The following MAP2K5 variants were observed in gnomAD, a reference collection of about 807,000 sequenced individuals.
The protein encoded by MAP2K5 is dual specificity mitogen-activated protein kinase kinase 5.
A neutral mutation model predicts 83.1 loss-of-function variants in MAP2K5; 49 were observed. The ratio of observed to expected loss-of-function variants is 0.59; its 90% CI spans 0.47 to 0.75. The LOEUF is 0.75. Ranked by LOEUF, MAP2K5 falls within the 30% of genes least tolerant of loss-of-function variation. MAP2K5 has a pLI of 0.00. For synonymous variants in MAP2K5, 202 were observed against 191.8 expected (o/e 1.05, Z -0.44); for missense variants, 457 against 557.5 (o/e 0.82, Z 1.82).
intron 21 of MAP2K5, among the ~76,000 whole-genome samples, chr15:67,800,120 C>G (rs748481068): frequency 2.6e-5 from 4 of 152,198 alleles, no homozygotes; most frequent in Non-Finnish European, 5.9e-5. Context: ...TATTATCAGG[C>G]TGCCCACTAT....
At chr15:67,796,230 C>A (rs1179939274) in intron 21 of MAP2K5, among the ~76,000 whole-genome samples, 1 of 151,840 alleles carries the variant, frequency 6.6e-6, no homozygotes, top group Non-Finnish European at 1.5e-5. Flanking sequence ...TTTTTGATTT[C>A]TTTTTTCTTC....
At chr15:67,713,757 G>C (rs530414637) in intron 16 of MAP2K5, among the ~76,000 whole-genome samples, 1 of 151,646 alleles carries the variant, frequency 6.6e-6, no homozygotes, top group African/African-American at 2.4e-5. Context: ...AAAGTGGCAT[G>C]GATCACCCAG....
At position 67,555,068 on chromosome 15, in the gene MAP2K5, A is replaced by G. The variant is rs551924530; in HGVS notation, c.184+4986A>G. Among the ~76,000 whole-genome samples, 138 of 152,264 alleles carry G rather than the reference A, an allele frequency of 9.1e-4. 1 individual carries two copies. Among genetic ancestry groups the G allele is most frequent in the Non-Finnish European group, 9.3e-4 (63 of 68,022 alleles). On this transcript the variant is annotated intron_variant, in intron 2 of 21. Coordinates refer to ENST00000178640, the MANE Select transcript of MAP2K5 (RefSeq NM_145160.3). The surrounding 1 kb of genome is among the most constrained non-coding windows in gnomAD (Gnocchi z 5.2). ...GTTAGGGCTGGATGAGGAGAGGGAC[A>G]TCTGTCTGCAGAACTCACCTTTTGG...
chr15:67,682,222 A>AT (rs61439988), intron 13 of MAP2K5, among the ~76,000 whole-genome samples: 271 of 142,556 alleles, frequency 1.9e-3, no homozygotes, highest in East Asian at 1.6e-3. Context: ...TTCTAGAGCT[A>AT]TTTTTTTTTT....
chr15:67,705,442 A>G (rs2088526616), intron 16 of MAP2K5, among the ~76,000 whole-genome samples: 1 of 152,234 alleles, frequency 6.6e-6, no homozygotes, highest in African/African-American at 2.4e-5. Context: ...GAGGAAAAAA[A>G]AAGCAGACTA....
intron 7 of MAP2K5, among the ~76,000 whole-genome samples, chr15:67,597,371 G>T (rs1311484900): frequency 2.0e-5 from 3 of 152,150 alleles, no homozygotes; most frequent in African/African-American, 7.2e-5. Flanking sequence ...AGTGGCCATT[G>T]ATAGGAATGT....
At position 67,708,115 on chromosome 15, in the gene MAP2K5, A is replaced by G. The variant is rs1253060584; in HGVS notation, c.1044+4707A>G. On this transcript the variant is annotated intron_variant, in intron 16 of 21. Transcript: ENST00000178640. This position sits in a 1 kb window ranked among gnomAD's most constrained non-coding sequence, Gnocchi z 4.9. ...AGGATTGCTTGAGGCCAGGAGTTCA[A>G]CACTAGTCTGGGCAACATAGCAAGA... Among the ~76,000 whole-genome samples, 2 of 152,112 alleles carry G rather than the reference A, an allele frequency of 1.3e-5. No individual in the cohort carries two copies. Among genetic ancestry groups the G allele is most frequent in the Admixed American group, 6.6e-5 (1 of 15,266 alleles).
At chr15:67,608,862 G>A (rs1214240167) in intron 8 of MAP2K5, among the ~76,000 whole-genome samples, 1 of 152,208 alleles carries the variant, frequency 6.6e-6, no homozygotes, top group East Asian at 1.9e-4. Flanking sequence ...GTGTTCCCTG[G>A]AGGAGAGTCA....
At chr15:67,568,814 G>C (rs975626804) in intron 3 of MAP2K5, among the ~76,000 whole-genome samples, 1 of 151,908 alleles carries the variant, frequency 6.6e-6, no homozygotes, top group Non-Finnish European at 1.5e-5. Context: ...TGACCATCCT[G>C]ACTAACACTG....
chr15:67,701,442 G>A (rs914389339), intron 15 of MAP2K5, among the ~76,000 whole-genome samples: 10 of 152,244 alleles, frequency 6.6e-5, no homozygotes, highest in African/African-American at 1.7e-4. Context: ...GAAAACAGAT[G>A]ATTTTACAAC....
Position 67,801,577 on chromosome 15 carries a change from C to T in MAP2K5, c.1243-5069C>T, listed in dbSNP as rs2090707466. On this transcript the variant is annotated intron_variant, in intron 21 of 21. Coordinates refer to ENST00000178640, the MANE Select transcript of MAP2K5 (RefSeq NM_145160.3). This position sits in a 1 kb window ranked among gnomAD's most constrained non-coding sequence, Gnocchi z 4.8. Reference sequence around the variant, plus strand: ...GGTGTCTTCCATGGTAGAAGAGTGTCCTGGGTTTAAACTCTAACTCTGCCA... The same window carrying T: ...GGTGTCTTCCATGGTAGAAGAGTGTTCTGGGTTTAAACTCTAACTCTGCCA... Among the ~76,000 whole-genome samples, 1 of 152,196 alleles carries T rather than the reference C, an allele frequency of 6.6e-6. No homozygotes were observed. The highest frequency in any genetic ancestry group is 6.5e-5 in the Admixed American group (1 of 15,282).
At chr15:67,570,624 A>G (rs2084931101) in intron 3 of MAP2K5, among the ~76,000 whole-genome samples, 1 of 152,240 alleles carries the variant, frequency 6.6e-6, no homozygotes, top group Admixed American at 6.5e-5. Context: ...CTCTTAATGT[A>G]AAGTATGAGA....
intron 9 of MAP2K5, among the ~76,000 whole-genome samples, chr15:67,635,428 G>A (rs557242922): frequency 6.6e-6 from 1 of 152,218 alleles, no homozygotes; most frequent in South Asian, 2.1e-4. Context: ...GCCCACCTCG[G>A]CCTCCCAAAG....
Position 67,741,675 on chromosome 15 carries a change from G to T in MAP2K5, c.1075-6556G>T, listed in dbSNP as rs1596891290. Among the ~76,000 whole-genome samples, 3 of 152,086 alleles carry T rather than the reference G, an allele frequency of 2.0e-5. No homozygotes were observed. In the East Asian group the frequency reaches 5.8e-4, roughly 29 times the overall value. On this transcript the variant is annotated intron_variant, in intron 17 of 21. Coordinates refer to ENST00000178640, the MANE Select transcript of MAP2K5 (RefSeq NM_145160.3). ...TTGGGGGTGGGGGAGTGTTGTTGGA[G>T]TATCCTTAGTAATAAAGGGGAGAAG... is the stretch of plus-strand genomic sequence containing the variant.
rs926472122 is a variant in MAP2K5 at position 67,719,611 on chromosome 15, T to A, written c.1045-8305T>A. Reference sequence around the variant, plus strand: ...TGGGCAGAGAGTGGTATGAAGTTTGTCTACAAAATTGTGGGTAGAGTCTTC... The same window carrying A: ...TGGGCAGAGAGTGGTATGAAGTTTGACTACAAAATTGTGGGTAGAGTCTTC... On this transcript the variant is annotated intron_variant, in intron 16 of 21. Coordinates refer to ENST00000178640, the MANE Select transcript of MAP2K5 (RefSeq NM_145160.3). This position sits in a 1 kb window ranked among gnomAD's most constrained non-coding sequence, Gnocchi z 4.6. Among the ~76,000 whole-genome samples, 7 of 152,132 alleles carry A rather than the reference T, an allele frequency of 4.6e-5. No homozygotes were observed. Among genetic ancestry groups the A allele is most frequent in the African/African-American group, 1.7e-4 (7 of 41,412 alleles).
intron 15 of MAP2K5, among the ~76,000 whole-genome samples, chr15:67,694,263 A>T (rs1344584822): frequency 6.6e-6 from 1 of 152,178 alleles, no homozygotes; most frequent in Non-Finnish European, 1.5e-5. Context: ...AAAAAAAATT[A>T]AACAGGAAAC....
rs543316133 is a variant in MAP2K5 at position 67,702,873 on chromosome 15, T to TA, written c.973-458dup. On this transcript the variant is annotated intron_variant, in intron 15 of 21. Transcript: ENST00000178640. The surrounding 1 kb of genome is among the most constrained non-coding windows in gnomAD (Gnocchi z 4.6). Reference sequence around the variant, plus strand: ...CTATAAGTTTGAAATTATTTTCAAATAAAAAATTAAAAGAAACCCTCCTGT... The same window carrying TA: ...CTATAAGTTTGAAATTATTTTCAAATAAAAAAATTAAAAGAAACCCTCCTGT... Among the ~76,000 whole-genome samples, 9 of 152,178 alleles carry TA rather than the reference T, an allele frequency of 5.9e-5. No homozygotes were observed. Among genetic ancestry groups the TA allele is most frequent in the Non-Finnish European group, 1.0e-4 (7 of 68,030 alleles).
At chr15:67,791,221 G>C (rs1007463956) in intron 21 of MAP2K5, among the ~76,000 whole-genome samples, 1 of 152,232 alleles carries the variant, frequency 6.6e-6, no homozygotes, top group African/African-American at 2.4e-5. Flanking sequence ...TGGAAGAGGA[G>C]ACTCTTCTGC....
chr15:67,745,339 A>G (rs540537820), intron 17 of MAP2K5, among the ~76,000 whole-genome samples: 2 of 152,358 alleles, frequency 1.3e-5, no homozygotes, highest in East Asian at 3.9e-4. Flanking sequence ...CAGACCCAGA[A>G]TAAAGATAGG....
Sources: allele counts gnomAD v4.1 joint callset (sites outside exome capture counted in the v4.1 genomes callset), GRCh38; gene constraint gnomAD v4.1.1; non-coding constraint Gnocchi (gnomAD v3.1); transcripts MANE v1.5; gene names NCBI Gene and HGNC (gene_info 2026-07-23, HGNC 2026-07-21).